Variants in DIAPH3 observed in about 807,000 individuals in gnomAD.
DIAPH3 encodes the protein diaphanous related formin 3.
A neutral mutation model predicts 144.3 loss-of-function variants in DIAPH3; 117 were observed. That is an observed-to-expected ratio of 0.81 (90% CI 0.70 to 0.95). The LOEUF (loss-of-function observed/expected upper bound fraction) is 0.95. Ranked by LOEUF, DIAPH3 falls within the 40% of genes least tolerant of loss-of-function variation. DIAPH3 has a pLI of 0.00. For missense variants in DIAPH3, 1,421 were observed against 1,412.7 expected, an observed-to-expected ratio of 1.01 and a Z score of -0.09; for synonymous variants, 519 against 488.9, an observed-to-expected ratio of 1.06 and a Z score of -0.81.
chr13:59,731,486 T>C (rs940145899), intron 27 of DIAPH3, among the ~76,000 whole-genome samples: 2 of 152,108 alleles, frequency 1.3e-5, no homozygotes, highest in African/African-American at 2.4e-5. Flanking sequence ...AGTCAAGCAA[T>C]AGCACAACAA....
At chr13:59,850,651 T>C (rs1023888283) in intron 22 of DIAPH3, among the ~76,000 whole-genome samples, 8 of 152,040 alleles carry the variant, frequency 5.3e-5, no homozygotes, top group Non-Finnish European at 1.0e-4. Flanking sequence ...GAACCAGCCT[T>C]GCATCCCAGG....
rs199855993 is a variant in DIAPH3 at position 59,807,658 on chromosome 13, C to T, written c.3163+3130G>A. Among the ~76,000 whole-genome samples the T allele has an allele frequency of 2.0e-4, 30 of 151,984 alleles. No homozygotes were observed. In the East Asian group the frequency reaches 4.6e-3, roughly 23 times the overall value. ...TCAGCAAATTACAGGTTTGGAAAGT[C>T]CTATTGGGTGAAGATTTTACATTTA... On this transcript the variant is annotated intron_variant, in intron 25 of 27. Coordinates refer to ENST00000400324, the MANE Select transcript of DIAPH3 (RefSeq NM_001042517.2).
At chr13:60,015,022 G>C (rs1230073981) in intron 7 of DIAPH3, among the ~76,000 whole-genome samples, 1 of 112,246 alleles carries the variant, frequency 8.9e-6, no homozygotes, top group African/African-American at 3.2e-5. Flanking sequence ...TAAGGACAGG[G>C]ATTCACTTTG....
chr13:60,012,393 A>C (rs1305086497), intron 7 of DIAPH3, among the ~76,000 whole-genome samples: 1 of 152,230 alleles, frequency 6.6e-6, no homozygotes, highest in Non-Finnish European at 1.5e-5. Context: ...GTCAGGAAAT[A>C]CTTACTTTTA....
intron 20 of DIAPH3, among the ~76,000 whole-genome samples, chr13:59,879,958 A>G (rs2044899096): frequency 6.6e-6 from 1 of 152,150 alleles, no homozygotes; most frequent in Admixed American, 6.5e-5. Context: ...ATAGAGGGAG[A>G]GTAAATAGGT....
chr13:60,017,777 A>T (rs1369861343), intron 5 of DIAPH3, among the ~76,000 whole-genome samples: 1 of 152,248 alleles, frequency 6.6e-6, no homozygotes, highest in East Asian at 1.9e-4. Context: ...TTAAACAGGA[A>T]AGATACTCTC....
At chr13:60,127,824 T>G (rs1402391644) in intron 2 of DIAPH3, among the ~76,000 whole-genome samples, 2 of 152,166 alleles carry the variant, frequency 1.3e-5, no homozygotes, top group African/African-American at 4.8e-5. Flanking sequence ...TTGTATATAT[T>G]TCTCAAAATT....
At chr13:59,888,988 T>C (rs1409878952) in intron 20 of DIAPH3, among the ~76,000 whole-genome samples, 1 of 152,094 alleles carries the variant, frequency 6.6e-6, no homozygotes, top group Non-Finnish European at 1.5e-5. Flanking sequence ...TTTTCCTACA[T>C]GTACTGTGCC....
At chr13:59,701,022 A>G (rs995221688) in intron 27 of DIAPH3, among the ~76,000 whole-genome samples, 4 of 152,306 alleles carry the variant, frequency 2.6e-5, no homozygotes, top group Middle Eastern at 3.4e-3. Context: ...TTGGTATATC[A>G]GTCTTTACTA....
rs531189220 is a variant in DIAPH3, at chr13:59,694,691, G to A, written c.3320-27845C>T. 5.9e-5 allele frequency among the ~76,000 whole-genome samples: 9 copies of A among 152,020 alleles called. No individual in the cohort carries two copies. In the South Asian group the frequency reaches 1.9e-3, roughly 32 times the overall value. On this transcript the variant is annotated intron_variant, in intron 27 of 27. Coordinates refer to ENST00000400324, the MANE Select transcript of DIAPH3 (RefSeq NM_001042517.2). ...TTAGTAAATGCTTCCTTTGTTCCTG[G>A]TTCTTGGGAAAATATTATTGAAAAC...
At chr13:59,901,377 GTCTCT>G (rs1241652630) in intron 20 of DIAPH3, among the ~76,000 whole-genome samples, 1 of 152,090 alleles carries the variant, frequency 6.6e-6, no homozygotes, top group Non-Finnish European at 1.5e-5. Flanking sequence ...GCTGTTTGTG[GTCTCT>G]TCTGTCTATA....
chr13:59,850,302 AC>A (rs1430350082), intron 22 of DIAPH3, among the ~76,000 whole-genome samples: 1 of 149,422 alleles, frequency 6.7e-6, no homozygotes, highest in Admixed American at 6.7e-5. Flanking sequence ...CTAATTGAAT[AC>A]CCTTTATTTC....
intron 3 of DIAPH3, among the ~76,000 whole-genome samples, chr13:60,109,359 T>C (rs2058505013): frequency 6.6e-6 from 1 of 152,168 alleles, no homozygotes; most frequent in Non-Finnish European, 1.5e-5. Flanking sequence ...AATAGGAAAC[T>C]AATACAACAC....
intron 18 of DIAPH3, among the ~76,000 whole-genome samples, chr13:59,916,962 G>A (rs1205344676): frequency 6.6e-6 from 1 of 152,102 alleles, no homozygotes; most frequent in Non-Finnish European, 1.5e-5. Flanking sequence ...AGTTACTGAA[G>A]TAGAAGGATA....
At chr13:59,826,028 T>A (rs1016025250) in intron 24 of DIAPH3, among the ~76,000 whole-genome samples, 1 of 152,034 alleles carries the variant, frequency 6.6e-6, no homozygotes, top group African/African-American at 2.4e-5. Context: ...ATGGGACATA[T>A]CTCAAAATAA....
chr13:59,898,134 C>CAAAAAAAAAAAAAAAAAA (rs34238599), intron 20 of DIAPH3, among the ~76,000 whole-genome samples: 1 of 72,196 alleles, frequency 1.4e-5, no homozygotes, highest in Non-Finnish European at 2.4e-5. Flanking sequence ...GACTCTGCCT[C>CAAAAAAAAAAAAAAAAAA]AAAAAAAAAA....
intron 25 of DIAPH3, among the ~76,000 whole-genome samples, chr13:59,777,311 T>C (rs1332497502): frequency 6.6e-6 from 1 of 152,160 alleles, no homozygotes; most frequent in Admixed American, 6.5e-5. Context: ...AATGGGATTA[T>C]TGCACACTGA....
chr13:59,729,810 A>ATTTTT lies in DIAPH3; in HGVS notation c.3319+44374_3319+44378dup, dbSNP rs59987412. On this transcript the variant is annotated intron_variant, in intron 27 of 27. Transcript: ENST00000400324. ...TGTGACTTCCGGTGAATACATTAAT[A>ATTTTT]TTTTTTTTTTTTTTTTTTTGAGATA... Among the ~76,000 whole-genome samples the ATTTTT allele has an allele frequency of 2.1e-3, 285 of 134,150 alleles. 14 individuals carry two copies. The highest frequency in any genetic ancestry group is 8.0e-3 in the African/African-American group (261 of 32,554). The allele number at this position is 134,150 out of a possible 152,430, so 88.0% of individuals were successfully genotyped here. A position where few individuals can be genotyped will look rare whatever the true frequency, so the allele number is the denominator to read the frequency against.
intron 25 of DIAPH3, among the ~76,000 whole-genome samples, chr13:59,803,700 A>G (rs987788620): frequency 6.6e-6 from 1 of 152,208 alleles, no homozygotes; most frequent in African/African-American, 2.4e-5. Flanking sequence ...AGCCTTGTAT[A>G]GCTGCATGGA....
Sources: gnomAD v4.1 joint callset for allele counts (sites outside exome capture counted in the v4.1 genomes callset) on GRCh38, gnomAD v4.1.1 for gene constraint, MANE v1.5 for transcripts, NCBI Gene and HGNC (gene_info 2026-07-23, HGNC 2026-07-21) for gene names.